Variants in TRPC4 observed in about 807,000 individuals in gnomAD.
TRPC4 encodes the protein short transient receptor potential channel 4.
In TRPC4, 49 loss-of-function variants were observed where a neutral mutation model predicts 99.4. The ratio of observed to expected loss-of-function variants is 0.49; its 90% CI spans 0.39 to 0.63. The LOEUF is 0.63. Among genes scored for constraint, TRPC4 ranks in the 20% least tolerant of loss-of-function variants. TRPC4 has a pLI of 0.00. For missense variants in TRPC4, 898 were observed against 1,152.9 expected (o/e 0.78, Z 3.20); for synonymous variants, 454 against 425.9 (o/e 1.07, Z -0.81).
chr13:37,644,620 C>T (rs1424729923), intron 8 of TRPC4, among the ~76,000 whole-genome samples: 4 of 151,770 alleles, frequency 2.6e-5, no homozygotes, highest in Non-Finnish European at 5.9e-5. Flanking sequence ...CCTGTAATTC[C>T]AGCACTCTGG....
chr13:37,867,870 G>C (rs1227138795), intron 1 of TRPC4, among the ~76,000 whole-genome samples: 2 of 152,146 alleles, frequency 1.3e-5, no homozygotes, highest in East Asian at 3.9e-4. Flanking sequence ...GTTGAAACAG[G>C]TAACTTTTCA....
chr13:37,785,223 T>G (rs2139360611), intron 1 of TRPC4, among the ~76,000 whole-genome samples: 1 of 152,214 alleles, frequency 6.6e-6, no homozygotes, highest in South Asian at 2.1e-4. Context: ...TTGCCCCCAT[T>G]TTTTGCATCA....
In TRPC4 at chr13:37,692,321, G is replaced by C. The variant is rs1236322682; in HGVS notation, c.912C>G (p.Pro304=). The change falls in exon 4 of 11, where the codon CCC becomes CCG. Residue 304 remains proline, a synonymous_variant. Coordinates refer to ENST00000379705, the MANE Select transcript of TRPC4 (RefSeq NM_016179.4). ...KYRQKEFVAQ[P]NCQQLLASRW... Reference sequence around the variant, plus strand: ...GAGATGCCAGCAGCTGTTGACAATTGGGCTGGGCAACAAACTAAACAGAAG... The same window carrying C: ...GAGATGCCAGCAGCTGTTGACAATTCGGCTGGGCAACAAACTAAACAGAAG... 7 of 1,613,052 alleles carry C rather than the reference G, an allele frequency of 4.3e-6. No individual in the cohort carries two copies. The East Asian group carries it at 1.3e-4, about 31-fold the overall frequency.
At position 37,642,730 on chromosome 13, in the gene TRPC4, CTTTTTCTTT is replaced by C. The variant is rs1225846948; in HGVS notation, c.2080-3440_2080-3432del. 1.6e-3 allele frequency among the ~76,000 whole-genome samples: 37 copies of C among 22,642 alleles called. 1 individual carries two copies. The highest frequency in any genetic ancestry group is 5.0e-3 in the African/African-American group (30 of 5,992). 14.9% of individuals were successfully genotyped at this position (22,642 alleles called of 152,430 possible). The stretch of plus-strand genomic sequence containing the variant: ...CCTGGATATGGAAATATGATTCTTT[CTTTTTCTTT>C]TTTTTTTTTTTTTTTGAGATAGAAT... On this transcript the variant is annotated intron_variant, in intron 8 of 10. Transcript: ENST00000379705.
At chr13:37,826,815 G>T (rs2139569611) in intron 1 of TRPC4, among the ~76,000 whole-genome samples, 1 of 152,162 alleles carries the variant, frequency 6.6e-6, no homozygotes, top group East Asian at 1.9e-4. Context: ...TCTGAATGTT[G>T]CCCTGCCTTG....
Position 37,636,581 on chromosome 13 carries a change from T to C in TRPC4, c.*322A>G, listed in dbSNP as rs986863921. On this transcript the variant is annotated 3_prime_UTR_variant, in exon 11 of 11. Coordinates refer to ENST00000379705, the MANE Select transcript of TRPC4 (RefSeq NM_016179.4). ...TCTATTTTAGGAGTCAACTACCACATGAAATAAATTGCATTTGTTTTAATT... is the reference window on the plus strand; with the variant it reads ...TCTATTTTAGGAGTCAACTACCACACGAAATAAATTGCATTTGTTTTAATT... The C allele has an allele frequency of 4.3e-5, 8 of 187,790 alleles. No homozygotes were observed. The highest frequency in any genetic ancestry group is 7.6e-5 in the Non-Finnish European group (7 of 92,174). The allele number at this position is 187,790 out of a possible 1,614,324, so 11.6% of individuals were successfully genotyped here. A position where few individuals can be genotyped will look rare whatever the true frequency, so the allele number is the denominator to read the frequency against.
chr13:37,861,585 A>G (rs1041952117), intron 1 of TRPC4, among the ~76,000 whole-genome samples: 2 of 151,608 alleles, frequency 1.3e-5, no homozygotes, highest in Non-Finnish European at 1.5e-5. Context: ...TGTTATAATG[A>G]AATGTTATTT....
intron 1 of TRPC4, among the ~76,000 whole-genome samples, chr13:37,828,375 C>A (rs28804677): frequency 2.0e-5 from 3 of 152,140 alleles, no homozygotes; most frequent in African/African-American, 7.2e-5. Flanking sequence ...AATGCTTATA[C>A]GGTGTTGTTT....
chr13:37,763,636 A>T (rs567014405), intron 2 of TRPC4, among the ~76,000 whole-genome samples: 1 of 151,796 alleles, frequency 6.6e-6, no homozygotes, highest in African/African-American at 2.4e-5. Context: ...GTACAAGCAT[A>T]CAATAGGCAG....
intron 2 of TRPC4, among the ~76,000 whole-genome samples, chr13:37,769,159 A>G (rs1337839233): frequency 6.6e-6 from 1 of 151,512 alleles, no homozygotes; most frequent in Non-Finnish European, 1.5e-5. Context: ...ACTGAAAAGT[A>G]AAGAAAAATA....
At position 37,637,038 on chromosome 13, in the gene TRPC4, C is replaced by T. The variant is rs751918556; in HGVS notation, c.2799G>A (p.Glu933=). 6.2e-7 allele frequency: 1 copy of T among 1,613,778 alleles called. No individual in the cohort carries two copies. The change falls in exon 11 of 11, where the codon GAG becomes GAA. Residue 933 remains glutamate, a synonymous_variant. Coordinates refer to ENST00000379705, the MANE Select transcript of TRPC4 (RefSeq NM_016179.4). ...VGKRVCPFKS[E]KVVVEDTVPI... ...GAACCGTGTCCTCCACCACCACCTT[C>T]TCTGACTTGAATGGACACACTCTCT... is the stretch of plus-strand genomic sequence containing the variant.
intron 1 of TRPC4, among the ~76,000 whole-genome samples, chr13:37,829,091 C>A (rs1323619559): frequency 6.6e-6 from 1 of 152,092 alleles, no homozygotes; most frequent in African/African-American, 2.4e-5. Context: ...AAATCACAAG[C>A]AACCAAAGAA....
At chr13:37,692,890 GA>G (rs1486912839) in intron 3 of TRPC4, among the ~76,000 whole-genome samples, 1 of 152,148 alleles carries the variant, frequency 6.6e-6, no homozygotes, top group Non-Finnish European at 1.5e-5. Context: ...GAGGCAATAT[GA>G]AAAACAGATG....
chr13:37,660,416 G>GA (rs1805031435), intron 6 of TRPC4, among the ~76,000 whole-genome samples: 1 of 152,170 alleles, frequency 6.6e-6, no homozygotes, highest in Non-Finnish European at 1.5e-5. Context: ...TGGAATGATG[G>GA]AAGCAGAAGC....
chr13:37,817,462 T>C lies in TRPC4; in HGVS notation c.-27-34102A>G, dbSNP rs763322915. Among the ~76,000 whole-genome samples, 130 of 152,134 alleles carry C rather than the reference T, an allele frequency of 8.5e-4. 2 individuals are homozygous for C. The highest frequency in any genetic ancestry group is 5.0e-4 in the Non-Finnish European group (34 of 67,974). Reference sequence around the variant, plus strand: ...TGGTGATATTGCCCAAAGCAAGTTATAGATTCAATGCTATTCCTATTATAC... The same window carrying C: ...TGGTGATATTGCCCAAAGCAAGTTACAGATTCAATGCTATTCCTATTATAC... On this transcript the variant is annotated intron_variant, in intron 1 of 10. Coordinates refer to ENST00000379705, the MANE Select transcript of TRPC4 (RefSeq NM_016179.4).
intron 3 of TRPC4, among the ~76,000 whole-genome samples, chr13:37,717,830 C>A (rs763969): frequency 1.3e-5 from 2 of 151,790 alleles, no homozygotes; most frequent in African/African-American, 4.8e-5. Flanking sequence ...CCAACCCCCC[C>A]GAAAAGAACA....
intron 4 of TRPC4, among the ~76,000 whole-genome samples, chr13:37,676,267 G>GAA (rs10710897): frequency 7.8e-6 from 1 of 128,252 alleles, no homozygotes. Context: ...AAGCAGCCAA[G>GAA]AAAAAAAAAA....
At chr13:37,720,815 T>A (rs184794063) in intron 3 of TRPC4, among the ~76,000 whole-genome samples, 1 of 152,336 alleles carries the variant, frequency 6.6e-6, no homozygotes, top group Non-Finnish European at 1.5e-5. Context: ...TCTTTAGGGA[T>A]ACACTTATTT....
At chr13:37,672,094 G>C (rs1038569142) in intron 5 of TRPC4, among the ~76,000 whole-genome samples, 1 of 152,034 alleles carries the variant, frequency 6.6e-6, no homozygotes, top group Non-Finnish European at 1.5e-5. Flanking sequence ...AATAGATTTT[G>C]CCAGTGTAGA....
Sources: gnomAD v4.1 joint callset for allele counts (sites outside exome capture counted in the v4.1 genomes callset) on GRCh38, gnomAD v4.1.1 for gene constraint, MANE v1.5 for transcripts, NCBI Gene and HGNC (gene_info 2026-07-23, HGNC 2026-07-21) for gene names.